Variants in MID1 observed in about 807,000 individuals in gnomAD.
MID1 encodes the protein midline 1.
In MID1, 7 loss-of-function variants were observed where a neutral mutation model predicts 40.4. The observed-to-expected ratio is 0.17, with a 90% CI of 0.10 to 0.33. MID1 has a LOEUF of 0.33. MID1 is among the 10% of genes least tolerant of loss of function. The pLI, the probability that MID1 is intolerant of heterozygous loss-of-function variation, is 1.00. For missense variants in MID1, 367 were observed against 558.5 expected (o/e 0.66, Z 3.46); for synonymous variants, 229 against 221.2 (o/e 1.04, Z -0.31).
chrX:10,491,501 G>A (rs543563860), intron 4 of MID1, among the ~76,000 whole-genome samples: 2 of 110,464 alleles, frequency 1.8e-5, no homozygotes, highest in Middle Eastern at 4.6e-3. Flanking sequence ...CTCCTGCCTC[G>A]GCCTCCCAAA....
chrX:10,742,707 A>G (rs1234178083), intron 1 of MID1, among the ~76,000 whole-genome samples: 1 of 112,730 alleles, frequency 8.9e-6, no homozygotes, highest in African/African-American at 3.2e-5. Context: ...GACAGACTAC[A>G]TAACATCTTA....
upstream of MID1, among the ~76,000 whole-genome samples, chrX:10,625,117 A>C (rs1935982611): frequency 8.9e-6 from 1 of 111,758 alleles, no homozygotes; most frequent in Admixed American, 9.5e-5. Context: ...TCTCCAGAGA[A>C]ACATAAAACA....
At chrX:10,721,872 C>A (rs756282377) in intron 1 of MID1, among the ~76,000 whole-genome samples, 1 of 110,499 alleles carries the variant, frequency 9.0e-6, no homozygotes, top group South Asian at 3.9e-4. Flanking sequence ...AGTTTAAGAC[C>A]AGGCTGGGCA....
chrX:10,818,268 T>C (rs2044152907), intron 1 of MID1, among the ~76,000 whole-genome samples: 1 of 112,412 alleles, frequency 8.9e-6, no homozygotes, highest in African/African-American at 3.2e-5. Flanking sequence ...GTCAACACGT[T>C]ACAATGGTTG....
intron 2 of MID1, among the ~76,000 whole-genome samples, chrX:10,534,808 C>T (rs900820905): frequency 3.6e-5 from 4 of 112,434 alleles, no homozygotes; most frequent in African/African-American, 1.3e-4. Flanking sequence ...CAGGAATTTA[C>T]AAAATCAATA....
chrX:10,742,281 G>A (rs1008130329), intron 1 of MID1, among the ~76,000 whole-genome samples: 11 of 111,843 alleles, frequency 9.8e-5, no homozygotes, highest in African/African-American at 2.9e-4. Context: ...ATTTCACATG[G>A]CATTCAGGAT....
At chrX:10,815,952 C>T (rs1439058382) in intron 1 of MID1, among the ~76,000 whole-genome samples, 1 of 111,408 alleles carries the variant, frequency 9.0e-6, no homozygotes, top group Non-Finnish European at 1.9e-5. Context: ...ACCAGTGCTG[C>T]AGAGGGAGGT....
chrX:10,473,658 G>A (rs774756102), intron 6 of MID1, among the ~76,000 whole-genome samples: 4 of 112,401 alleles, frequency 3.6e-5, no homozygotes, highest in East Asian at 2.8e-4. Flanking sequence ...CTCATGTCAC[G>A]CTAAGTTAGA....
At chrX:10,687,572 C>A (rs1451545826) in intron 1 of MID1, among the ~76,000 whole-genome samples, 3 of 112,551 alleles carry the variant, frequency 2.7e-5, no homozygotes, top group Non-Finnish European at 5.6e-5. Context: ...GTGATTATTT[C>A]TTTCAGATTG....
At chrX:10,559,616 C>T (rs1201232614) in intron 2 of MID1, among the ~76,000 whole-genome samples, 1 of 111,937 alleles carries the variant, frequency 8.9e-6, no homozygotes, top group Non-Finnish European at 1.9e-5. Context: ...TTTTCTAATA[C>T]AAGGCTTGGA....
At chrX:10,791,667 G>A (rs984685919) in intron 1 of MID1, among the ~76,000 whole-genome samples, 13 of 111,291 alleles carry the variant, frequency 1.2e-4, no homozygotes, top group African/African-American at 3.6e-4. Context: ...GACAATCACC[G>A]AAGCCTGTAG....
intron 6 of MID1, 37 bp from the exon 7 acceptor site, chrX:10,469,877 C>T: frequency 3.4e-6 from 4 of 1,164,426 alleles, no homozygotes; most frequent in Non-Finnish European, 4.7e-6. Context: ...TGGAAAAGCA[C>T]ACACAACTGG....
rs780097285 is a variant in MID1, at chrX:10,508,913, G to A, written c.757-13222C>T. On this transcript the variant is annotated intron_variant, in intron 3 of 9. Coordinates refer to ENST00000317552, the MANE Select transcript of MID1 (RefSeq NM_000381.4). ...GGCTAAAACAAAACAGCAAATTGAG[G>A]AGTTTAACTTGGGAGTGGGGAGTTC... Among the ~76,000 whole-genome samples the A allele has an allele frequency of 8.1e-5, 9 of 111,445 alleles. No individual in the cohort carries two copies. In the Admixed American group the frequency reaches 8.6e-4, roughly 11 times the overall value.
chrX:10,478,619 A>ATAT (rs1930142922), intron 5 of MID1, among the ~76,000 whole-genome samples: 1 of 112,180 alleles, frequency 8.9e-6, no homozygotes, highest in Non-Finnish European at 1.9e-5. Context: ...GCTATCTATA[A>ATAT]TTACTAAGCA....
At chrX:10,710,072 G>A (rs1182929507) in intron 1 of MID1, among the ~76,000 whole-genome samples, 3 of 111,819 alleles carry the variant, frequency 2.7e-5, no homozygotes, top group Non-Finnish European at 5.6e-5. Flanking sequence ...GTTGTCTGGG[G>A]AAAGAAGCTA....
At chrX:10,528,548 G>A (rs1932879530) in intron 2 of MID1, among the ~76,000 whole-genome samples, 1 of 112,180 alleles carries the variant, frequency 8.9e-6, no homozygotes, top group South Asian at 3.7e-4. Flanking sequence ...GTTTTAGCAT[G>A]AAAGCAGCCA....
At chrX:10,715,340 C>T (rs889838308) in intron 1 of MID1, among the ~76,000 whole-genome samples, 10 of 111,984 alleles carry the variant, frequency 8.9e-5, no homozygotes, top group African/African-American at 3.2e-4. Flanking sequence ...TCGGGTTACT[C>T]CCACCCTAAT....
At chrX:10,688,535 T>C (rs1397744844) in intron 1 of MID1, among the ~76,000 whole-genome samples, 1 of 112,285 alleles carries the variant, frequency 8.9e-6, no homozygotes, top group Non-Finnish European at 1.9e-5. Context: ...CATCCTTCCA[T>C]ATTTAGTGAA....
chrX:10,793,364 A>G (rs188668475), intron 1 of MID1, among the ~76,000 whole-genome samples: 19 of 112,361 alleles, frequency 1.7e-4, no homozygotes, highest in East Asian at 5.6e-4. Flanking sequence ...ATCCCTTCTG[A>G]TCTCAGCGAT....
Sources: gnomAD v4.1 joint callset for allele counts (sites outside exome capture counted in the v4.1 genomes callset) on GRCh38, gnomAD v4.1.1 for gene constraint, MANE v1.5 for transcripts, NCBI Gene and HGNC (gene_info 2026-07-23, HGNC 2026-07-21) for gene names.